Variants in SPRED2 observed in about 807,000 individuals in gnomAD.
The protein encoded by SPRED2 is sprouty-related, EVH1 domain-containing protein 2.
In SPRED2, 47 loss-of-function variants were observed where a neutral mutation model predicts 43.0. The ratio of observed to expected loss-of-function variants is 1.09; its 90% CI spans 0.87 to 1.40. SPRED2 has a LOEUF of 1.40. Ranked by LOEUF, SPRED2 falls within the 40% of genes most tolerant of loss-of-function variation. The pLI is 0.00. For synonymous variants in SPRED2, 225 were observed against 225.7 expected, an observed-to-expected ratio of 1.00 and a Z score of 0.03; for missense variants, 561 against 586.4, an observed-to-expected ratio of 0.96 and a Z score of 0.45.
At chr2:65,378,587 G>A (rs1403778383) in intron 1 of SPRED2, among the ~76,000 whole-genome samples, 1 of 152,210 alleles carries the variant, frequency 6.6e-6, no homozygotes, top group African/African-American at 2.4e-5. Flanking sequence ...ATATGCCACT[G>A]AGACCTCACT....
intron 2 of SPRED2, among the ~76,000 whole-genome samples, chr2:65,336,074 G>A (rs1273076399): frequency 1.3e-5 from 2 of 152,194 alleles, no homozygotes; most frequent in Non-Finnish European, 2.9e-5. Context: ...AAAAGAAGGA[G>A]GCCAGTACAG....
intron 3 of SPRED2, among the ~76,000 whole-genome samples, chr2:65,333,135 G>A (rs191067006): frequency 5.3e-5 from 8 of 151,710 alleles, no homozygotes; most frequent in East Asian, 1.9e-4. Context: ...GTGTGATGGC[G>A]GGCGCCTGTA....
downstream of SPRED2, among the ~76,000 whole-genome samples, chr2:65,307,694 G>A (rs967912638): frequency 3.3e-5 from 5 of 152,114 alleles, no homozygotes; most frequent in Admixed American, 1.3e-4. Context: ...TTGCCACCAC[G>A]GCACCAATAG....
chr2:65,323,322 TA>T (rs531099944), intron 4 of SPRED2, among the ~76,000 whole-genome samples: 1 of 152,010 alleles, frequency 6.6e-6, no homozygotes, highest in Non-Finnish European at 1.5e-5. Flanking sequence ...ATGGTAACTA[TA>T]AAAAAACCAC....
At chr2:65,424,496 G>GCCCA (rs1236128507) in intron 1 of SPRED2, among the ~76,000 whole-genome samples, 2 of 152,080 alleles carry the variant, frequency 1.3e-5, no homozygotes, top group African/African-American at 4.8e-5. Flanking sequence ...GCATGGTGGT[G>GCCCA]TACACCTGTG....
intron 1 of SPRED2, among the ~76,000 whole-genome samples, chr2:65,356,437 T>C (rs1407219848): frequency 1.3e-5 from 2 of 151,800 alleles, no homozygotes; most frequent in African/African-American, 4.8e-5. Flanking sequence ...GATTTCTAAA[T>C]GGAAATCAAC....
chr2:65,380,669 A>C (rs942782647), intron 1 of SPRED2: 3 of 152,164 alleles, frequency 2.0e-5, no homozygotes, highest in Non-Finnish European at 2.9e-5. Flanking sequence ...TTTTCTTCTG[A>C]AAAGAGTTCC....
chr2:65,372,083 A>C (rs1675137554), intron 1 of SPRED2, among the ~76,000 whole-genome samples: 2 of 152,070 alleles, frequency 1.3e-5, no homozygotes, highest in Non-Finnish European at 2.9e-5. Context: ...AAAAGAAAGA[A>C]AGAAAAAAAA....
intron 1 of SPRED2, among the ~76,000 whole-genome samples, chr2:65,405,085 G>A (rs373140878): frequency 6.6e-6 from 1 of 152,206 alleles, no homozygotes; most frequent in Non-Finnish European, 1.5e-5. Flanking sequence ...TTTACCGTGT[G>A]CTTTTCTTAT....
At chr2:65,324,736 C>T (rs547754818) in intron 4 of SPRED2, among the ~76,000 whole-genome samples, 1 of 152,126 alleles carries the variant, frequency 6.6e-6, no homozygotes, top group Non-Finnish European at 1.5e-5. Flanking sequence ...CCAGGCCAGA[C>T]GAGCTGAGGA....
rs1673087916 is a variant in SPRED2, at chr2:65,312,163, C to G, written c.*1338G>C. On this transcript the variant is annotated 3_prime_UTR_variant, in exon 6 of 6. Transcript: ENST00000356388. ...TACTCTTTTCCAGCTAATTAGAAGC[C>G]TCCTCCGTGGCAAGGCGACAGGCAG... 6.1e-6 allele frequency: 6 copies of G among 985,604 alleles called. No homozygotes were observed. The highest frequency in any genetic ancestry group is 7.2e-6 in the Non-Finnish European group (6 of 829,938). The allele number at this position is 985,604 out of a possible 1,614,324, so 61.1% of individuals were successfully genotyped here. A position where few individuals can be genotyped will look rare whatever the true frequency, so the allele number is the denominator to read the frequency against.
Position 65,334,735 on chromosome 2 carries a change from G to A in SPRED2, c.243C>T (p.Tyr81=). The change falls in exon 3 of 6, where the codon TAC becomes TAT. Residue 81 remains tyrosine, a synonymous_variant. Transcript: ENST00000356388. ...LECYVRKDLV[Y]TKANPTFHHW... ...GATGAAACGTTGGATTGGCTTTGGT[G>A]TAGACCAAGTCCTTTCTTACATAGC... The A allele has an allele frequency of 1.2e-6, 2 of 1,614,204 alleles. No individual in the cohort carries two copies. Among genetic ancestry groups the A allele is most frequent in the Non-Finnish European group, 1.7e-6 (2 of 1,180,046 alleles).
chr2:65,383,366 G>C (rs1457866565), intron 1 of SPRED2, among the ~76,000 whole-genome samples: 1 of 152,238 alleles, frequency 6.6e-6, no homozygotes, highest in Non-Finnish European at 1.5e-5. Context: ...GTAAGAACAA[G>C]TGATGGTCCA....
At chr2:65,377,562 A>C in intron 1 of SPRED2, 3 of 471,170 alleles carry the variant, frequency 6.4e-6, no homozygotes, top group Admixed American at 2.3e-5. Context: ...CACTGTGGCA[A>C]AGCAATGACT....
chr2:65,401,937 G>GCGCGCGCGCGCGCACACACACACA (rs776512353), intron 1 of SPRED2, among the ~76,000 whole-genome samples: 2 of 114,712 alleles, frequency 1.7e-5, no homozygotes, highest in African/African-American at 6.8e-5. Flanking sequence ...GCGCGCGCGC[G>GCGCGCGCGCGCGCACACACACACA]CACACACACA....
intron 1 of SPRED2, among the ~76,000 whole-genome samples, chr2:65,430,678 C>T (rs2103825893): frequency 6.6e-6 from 1 of 152,226 alleles, no homozygotes; most frequent in East Asian, 1.9e-4. Context: ...CAAAGACGCG[C>T]GCGGGGCCTC....
rs1676582497 is a variant in SPRED2 at position 65,427,426 on chromosome 2, G to GAACATT, written c.26+4535_26+4536insAATGTT. 1.3e-4 allele frequency among the ~76,000 whole-genome samples: 20 copies of GAACATT among 152,250 alleles called. No homozygotes were observed. The South Asian group carries it at 4.1e-3, about 32-fold the overall frequency. On this transcript the variant is annotated intron_variant, in intron 1 of 5. Coordinates refer to ENST00000356388, the MANE Select transcript of SPRED2 (RefSeq NM_181784.3). ...TTTAACATTTAAGGGTTCTACTCAT[G>GAACATT]TATAGTAGAACCATACCCCCTGGTA...
intron 3 of SPRED2, among the ~76,000 whole-genome samples, chr2:65,333,424 G>A (rs1215243289): frequency 6.6e-6 from 1 of 151,884 alleles, no homozygotes; most frequent in Non-Finnish European, 1.5e-5. Flanking sequence ...CTGGTCTTTC[G>A]GGAGCTGTCT....
intron 1 of SPRED2, among the ~76,000 whole-genome samples, chr2:65,400,014 C>T (rs765339715): frequency 2.5e-5 from 3 of 121,380 alleles, no homozygotes; most frequent in Non-Finnish European, 6.3e-5. Flanking sequence ...CAACAAAGTA[C>T]CTGAGCTAGT....
Sources: gnomAD v4.1 joint callset for allele counts (sites outside exome capture counted in the v4.1 genomes callset) on GRCh38, gnomAD v4.1.1 for gene constraint, MANE v1.5 for transcripts, NCBI Gene and HGNC (gene_info 2026-07-23, HGNC 2026-07-21) for gene names.